The following MYO15A variants were observed in gnomAD, a reference collection of about 807,000 sequenced individuals.
MYO15A encodes unconventional myosin-XV.
In MYO15A, 308 loss-of-function variants were observed where a neutral mutation model predicts 394.6. That is an observed-to-expected ratio of 0.78 (90% CI 0.71 to 0.86). The LOEUF is 0.86. Among genes scored for constraint, MYO15A ranks in the 40% least tolerant of loss-of-function variants. The pLI, the probability that MYO15A is intolerant of heterozygous loss-of-function variation, is 0.00. For missense variants in MYO15A, 4,606 were observed against 4,799.1 expected (o/e 0.96, Z 1.19); for synonymous variants, 1,957 against 2,003.8 (o/e 0.98, Z 0.62).
chr17:18,121,917 T>G lies in MYO15A; in HGVS notation c.3117T>G (p.Thr1039=). Residue 1039 remains threonine, a synonymous_variant, in exon 2 of 66, where the codon ACT becomes ACG. Coordinates refer to ENST00000647165, the MANE Select transcript of MYO15A (RefSeq NM_016239.4). This position sits in a 1 kb window ranked among gnomAD's most constrained non-coding sequence, Gnocchi z 5.3. ...CCCCAGCACCTCCCAAGGATGTCAC[T>G]CCCCCCAAGGATATCACTCCCCCCA... ...PPTPAPPKDV[T]PPKDITPPKD... 6.2e-7 allele frequency: 1 copy of G among 1,611,398 alleles called. No individual in the cohort carries two copies. The highest frequency in any genetic ancestry group is 8.5e-7 in the Non-Finnish European group (1 of 1,179,438).
At chr17:18,116,591 A>G (rs2045788562) in intron 1 of MYO15A, among the ~76,000 whole-genome samples, 1 of 152,120 alleles carries the variant, frequency 6.6e-6, no homozygotes, top group African/African-American at 2.4e-5. Context: ...TGGCTCCAAG[A>G]GGAGCTGGGG....
rs146123867 is a variant in MYO15A at position 18,148,335 on chromosome 17, C to T, written c.6691+125C>T. On this transcript the variant is annotated intron_variant, in intron 31 of 65. Coordinates refer to ENST00000647165, the MANE Select transcript of MYO15A (RefSeq NM_016239.4). This position sits in a 1 kb window ranked among gnomAD's most constrained non-coding sequence, Gnocchi z 4.8. ...AGGGGCCTTCTCAGATGTGGCTCTGCGTGAAAGTCTGTGTGTGGGGGTGGG... is the reference window on the plus strand; with the variant it reads ...AGGGGCCTTCTCAGATGTGGCTCTGTGTGAAAGTCTGTGTGTGGGGGTGGG... The T allele has an allele frequency of 1.1e-3, 1,609 of 1,476,170 alleles. 2 individuals are homozygous for T. The highest frequency in any genetic ancestry group is 1.3e-3 in the Non-Finnish European group (1,377 of 1,085,090). The allele number at this position is 1,476,170 out of a possible 1,614,324, so 91.4% of individuals were successfully genotyped here.
intron 16 of MYO15A, 170 bp from the exon 17 acceptor site, chr17:18,137,945 G>A (rs950677931): frequency 4.0e-6 from 4 of 989,674 alleles, no homozygotes; most frequent in Non-Finnish European, 6.0e-6. Flanking sequence ...GGGAGCAGCA[G>A]GACCCTGAGT....
chr17:18,137,825 C>A, intron 16 of MYO15A, 146 bp downstream of exon 16: 1 of 1,039,282 alleles, frequency 9.6e-7, no homozygotes, highest in Non-Finnish European at 1.4e-6. Context: ...TGGGGACCAG[C>A]CCATGGGAAG....
At position 18,121,613 on chromosome 17, in the gene MYO15A, G is replaced by A. The variant is rs1448747830; in HGVS notation, c.2813G>A (p.Arg938His). ...GACGTGGACATGCCTCCCACCCAAC[G>A]CCCACCCTCCCCCTGGCCAGGAGGT... ...SWDVDMPPTQ[R>H]PPSPWPGGAG... The change falls in exon 2 of 66, where the codon CGC becomes CAC. Residue 938 changes from arginine to histidine, a missense_variant. This residue lies in a region of MYO15A where 1,830 missense variants were observed against 1,689.7 expected (regional missense o/e 1.08). Coordinates refer to ENST00000647165, the MANE Select transcript of MYO15A (RefSeq NM_016239.4). The surrounding 1 kb of genome is among the most constrained non-coding windows in gnomAD (Gnocchi z 5.3). 1.7e-6 allele frequency: 2 copies of A among 1,162,360 alleles called. No homozygotes were observed. Among genetic ancestry groups the A allele is most frequent in the East Asian group, 4.6e-5 (1 of 21,902 alleles). 72.0% of individuals were successfully genotyped at this position (1,162,360 alleles called of 1,614,324 possible).
intron 59 of MYO15A, 40 bp downstream of exon 59, chr17:18,163,361 G>A (rs2046804054): frequency 3.1e-6 from 5 of 1,598,844 alleles, no homozygotes; most frequent in Non-Finnish European, 4.3e-6. Context: ...GTACTGGAGG[G>A]GCAGGGACAA....
intron 45 of MYO15A, 37 bp downstream of exon 45, chr17:18,154,792 C>A: frequency 6.2e-7 from 1 of 1,602,156 alleles, no homozygotes; most frequent in Non-Finnish European, 8.5e-7. Flanking sequence ...GATGGGGCAA[C>A]CAGTCAGAGG....
At chr17:18,136,299 C>T (rs1350750451) in intron 13 of MYO15A, 118 bp from the exon 14 acceptor site, 4 of 1,268,960 alleles carry the variant, frequency 3.2e-6, no homozygotes, top group Non-Finnish European at 3.4e-6. Context: ...TCTGTGTGCA[C>T]AGTCACAACA....
chr17:18,161,542 T>A, intron 57 of MYO15A, 95 bp downstream of exon 57: 1 of 1,538,966 alleles, frequency 6.5e-7, no homozygotes, highest in Non-Finnish European at 8.9e-7. Flanking sequence ...AGGGCCTCGC[T>A]CTTCACAGGT....
rs765818492 is a variant in MYO15A, at chr17:18,167,808, G to A, written c.10082+85G>A. ...ACCTCCACCCTCCTCAGAGCTGGCA[G>A]TCCCCAGGCCCTCAGGCTCCCCTCT... On this transcript the variant is annotated intron_variant, in intron 62 of 65. Transcript: ENST00000647165. 6.4e-5 allele frequency: 101 copies of A among 1,575,384 alleles called. 1 individual carries two copies. The Middle Eastern group carries it at 1.8e-3, about 29-fold the overall frequency.
At chr17:18,165,287 T>C (rs2046837150) in intron 60 of MYO15A, among the ~76,000 whole-genome samples, 1 of 152,122 alleles carries the variant, frequency 6.6e-6, no homozygotes, top group Non-Finnish European at 1.5e-5. Context: ...ATAAATATAT[T>C]ACCTTATAAT....
intron 65 of MYO15A, chr17:18,176,541 CTTT>C (rs35105114): frequency 4.0e-4 from 37 of 93,440 alleles, no homozygotes; most frequent in South Asian, 6.4e-4. Flanking sequence ...TTTTACTTTT[CTTT>C]TTTTTTTTTT....
At chr17:18,112,789 T>C (rs961669138) in intron 1 of MYO15A, among the ~76,000 whole-genome samples, 1 of 152,174 alleles carries the variant, frequency 6.6e-6, no homozygotes, top group African/African-American at 2.4e-5. Context: ...CAAACTAATA[T>C]AGAAAGATTT....
chr17:18,142,947 C>T, intron 25 of MYO15A, 107 bp downstream of exon 25: 1 of 979,246 alleles, frequency 1.0e-6, no homozygotes, highest in Non-Finnish European at 1.6e-6. Context: ...GGTTCAAATT[C>T]TGCCTCTGCC....
chr17:18,144,040 G>C (rs1314221015), intron 28 of MYO15A, 40 bp downstream of exon 28: 1 of 1,612,232 alleles, frequency 6.2e-7, no homozygotes, highest in Non-Finnish European at 8.5e-7. Context: ...TGGCTGATAG[G>C]CGCTGACCAA....
In MYO15A at chr17:18,151,883, C is replaced by G. The variant is rs760947423; in HGVS notation, c.7825C>G (p.Pro2609Ala). ...GAAAGTGTTCATGAAGCGGCCAGAC[C>G]CTCATGAGGAGGCCCTGATGATCCT... ...GGKVFMKRPD[P>A]HEEALMILKG... Residue 2609 changes from proline (P) to alanine (A), a missense_variant, in exon 41 of 66, where the codon CCT becomes GCT. Around this residue, in one of 2 missense-constraint regions of MYO15A, gnomAD observed 2,776 missense variants for 3,109.3 expected, o/e 0.89. Coordinates refer to ENST00000647165, the MANE Select transcript of MYO15A (RefSeq NM_016239.4). 3.2e-6 allele frequency: 5 copies of G among 1,578,456 alleles called. No individual in the cohort carries two copies. In the East Asian group the frequency reaches 1.1e-4, roughly 36 times the overall value.
At position 18,158,945 on chromosome 17, in the gene MYO15A, C is replaced by A. The variant is rs762716369; in HGVS notation, c.9104C>A (p.Ser3035Tyr). The change falls in exon 53 of 66, where the codon TCC (serine) becomes TAC (tyrosine). Residue 3035 changes from serine (S) to tyrosine (Y), a missense_variant. By Grantham distance (144) the Ser-to-Tyr change is moderately radical. Coordinates refer to ENST00000647165, the MANE Select transcript of MYO15A (RefSeq NM_016239.4). Reference sequence around the variant, plus strand: ...TGCAGGGATGGCCTCAGGCTGAAATCCAAGGAGCCTCGGGAGTCCAGAACC... The same window carrying A: ...TGCAGGGATGGCCTCAGGCTGAAATACAAGGAGCCTCGGGAGTCCAGAACC... ...RRPQDGLRLK[S>Y]KEPRESRTLE... The A allele has an allele frequency of 1.2e-6, 2 of 1,614,166 alleles. No individual in the cohort carries two copies. Among genetic ancestry groups the A allele is most frequent in the South Asian group, 2.2e-5 (2 of 91,092 alleles).
In MYO15A at chr17:18,171,619, C is replaced by T. The variant is rs375296922; in HGVS notation, c.10083-19C>T. On this transcript the variant is annotated intron_variant, in intron 62 of 65. Transcript: ENST00000647165. ...CTGGGAGCTCACTCAGGACCTTTTT[C>T]CCCTTCCTCCGTACACAGGCGGGAA... 6.2e-7 allele frequency: 1 copy of T among 1,613,822 alleles called. No individual in the cohort carries two copies. Among genetic ancestry groups the T allele is most frequent in the Non-Finnish European group, 8.5e-7 (1 of 1,180,044 alleles).
At chr17:18,115,697 G>A (rs854769) in intron 1 of MYO15A, among the ~76,000 whole-genome samples, 66,766 of 151,802 alleles carry the variant, frequency 0.44, 15,862 homozygotes, top group South Asian at 0.71. Flanking sequence ...ACTGGCAGTC[G>A]AAGCCAAGCC....
Sources: allele counts gnomAD v4.1 joint callset (sites outside exome capture counted in the v4.1 genomes callset), GRCh38; gene constraint gnomAD v4.1.1; regional missense constraint gnomAD v4.1.1; non-coding constraint Gnocchi (gnomAD v3.1); transcripts MANE v1.5; gene names NCBI Gene and HGNC (gene_info 2026-07-23, HGNC 2026-07-21).